ATP11A: variants seen among roughly 807,000 people sequenced by gnomAD.
ATP11A encodes the protein ATPase phospholipid transporting 11A.
In ATP11A, 81 loss-of-function variants were observed where a neutral mutation model predicts 154.4. The ratio of observed to expected loss-of-function variants is 0.52; its 90% confidence interval spans 0.44 to 0.63. ATP11A has a LOEUF of 0.63. Ranked by LOEUF, ATP11A falls within the 30% of genes least tolerant of loss-of-function variation. The pLI, the probability that ATP11A is intolerant of heterozygous loss-of-function variation, is 0.00. For missense variants in ATP11A, 1,316 were observed against 1,474.3 expected (o/e 0.89, Z 1.76); for synonymous variants, 623 against 585.9 (o/e 1.06, Z -0.91).
intron 23 of ATP11A, 47 bp from the exon 24 acceptor site, chr13:112,860,240 T>G: frequency 1.3e-6 from 2 of 1,579,350 alleles, no homozygotes; most frequent in Non-Finnish European, 8.6e-7. Flanking sequence ...CCAAAAAGTT[T>G]GTAACAATGC....
intron 26 of ATP11A, 120 bp from the exon 27 acceptor site, chr13:112,873,453 A>G (rs2080608274): frequency 1.5e-6 from 1 of 684,058 alleles, no homozygotes; most frequent in South Asian, 2.0e-5. Context: ...TTGAGTCGTC[A>G]TTGCTGGGTC....
rs993418034 is a variant in ATP11A at position 112,875,413 on chromosome 13, G to C, written c.3162-363G>C. Among the ~76,000 whole-genome samples, 1 of 152,054 alleles carries C rather than the reference G, an allele frequency of 6.6e-6. No individual in the cohort carries two copies. Among genetic ancestry groups the C allele is most frequent in the African/African-American group, 2.4e-5 (1 of 41,398 alleles). On this transcript the variant is annotated intron_variant, in intron 27 of 29. Coordinates refer to ENST00000375645, the MANE Select transcript of ATP11A (RefSeq NM_015205.3). This position sits in a 1 kb window ranked among gnomAD's most constrained non-coding sequence, Gnocchi z 4.1. ...ATTGCTTGCTCTGTACTGACGACCA[G>C]TGCTCGGGACGTCCTTCCCATCCGA...
At chr13:112,742,179 G>A (rs1891633216) in intron 1 of ATP11A, among the ~76,000 whole-genome samples, 2 of 152,256 alleles carry the variant, frequency 1.3e-5, no homozygotes, top group Non-Finnish European at 2.9e-5. Flanking sequence ...ATGGTGCCAG[G>A]TTGAAAGGAG....
At chr13:112,835,761 C>T (rs546850801) in intron 15 of ATP11A, among the ~76,000 whole-genome samples, 77 of 152,366 alleles carry the variant, frequency 5.1e-4, no homozygotes, top group African/African-American at 1.8e-3. Context: ...CCAGCCAAAA[C>T]GCTTTTTCCT....
Position 112,845,341 on chromosome 13 carries a change from A to T in ATP11A, c.1809+2962A>T, listed in dbSNP as rs1292848210. On this transcript the variant is annotated intron_variant, in intron 17 of 29. Transcript: ENST00000375645. ...CCAGTTGCCGGCACTATCGGTACTAACCAGTCCAGTTGCCAGCACTAGCGG... is the reference window on the plus strand; with the variant it reads ...CCAGTTGCCGGCACTATCGGTACTATCCAGTCCAGTTGCCAGCACTAGCGG... 2.3e-4 allele frequency among the ~76,000 whole-genome samples: 26 copies of T among 114,590 alleles called. 2 individuals carry two copies. Among genetic ancestry groups the T allele is most frequent in the African/African-American group, 1.2e-3 (25 of 21,046 alleles). The allele number at this position is 114,590 out of a possible 152,430, so 75.2% of individuals were successfully genotyped here. A position where few individuals can be genotyped will look rare whatever the true frequency, so the allele number is the denominator to read the frequency against.
In ATP11A at chr13:112,864,274, G is replaced by A. The variant is rs373782202; in HGVS notation, c.2991+1699G>A. On this transcript the variant is annotated intron_variant, in intron 25 of 29. Coordinates refer to ENST00000375645, the MANE Select transcript of ATP11A (RefSeq NM_015205.3). The stretch of plus-strand genomic sequence containing the variant: ...CCCAGCGGGGTCCATCACCACCTGC[G>A]CAGTAATTCAGTGCGGCCCATGCAG... Among the ~76,000 whole-genome samples the A allele has an allele frequency of 7.5e-3, 448 of 59,660 alleles. 2 individuals carry two copies. The highest frequency in any genetic ancestry group is 9.8e-3 in the Admixed American group (47 of 4,810). 39.1% of individuals were successfully genotyped at this position (59,660 alleles called of 152,430 possible).
intron 1 of ATP11A, among the ~76,000 whole-genome samples, chr13:112,720,329 A>G (rs1267299542): frequency 6.6e-6 from 1 of 152,238 alleles, no homozygotes; most frequent in Non-Finnish European, 1.5e-5. Context: ...GAGATTCTTC[A>G]GTGTGCGATT....
intron 1 of ATP11A, among the ~76,000 whole-genome samples, chr13:112,700,044 A>ATTTTTTT (rs5806957): frequency 7.1e-6 from 1 of 139,864 alleles, no homozygotes. Context: ...GACAAAGGTA[A>ATTTTTTT]TTTTTTTTTT....
chr13:112,832,807 A>T (rs1052422081), intron 13 of ATP11A, 53 bp from the exon 14 acceptor site: 1 of 1,580,002 alleles, frequency 6.3e-7, no homozygotes, highest in Non-Finnish European at 8.6e-7. Context: ...GTTTCCCTCT[A>T]TCTTCAGTGG....
At chr13:112,840,007 T>G (rs186447460) in intron 16 of ATP11A, among the ~76,000 whole-genome samples, 19 of 152,212 alleles carry the variant, frequency 1.2e-4, no homozygotes, top group Admixed American at 2.0e-4. Flanking sequence ...GGCCCTGCTT[T>G]TCTATGCTAA....
chr13:112,841,966 C>T (rs2079433484), intron 16 of ATP11A, among the ~76,000 whole-genome samples: 3 of 152,242 alleles, frequency 2.0e-5, no homozygotes, highest in South Asian at 2.1e-4. Flanking sequence ...CCCCAACGCC[C>T]GTCCCGAGGG....
intron 1 of ATP11A, among the ~76,000 whole-genome samples, chr13:112,719,210 C>A (rs1888865484): frequency 6.6e-6 from 1 of 152,090 alleles, no homozygotes; most frequent in Non-Finnish European, 1.5e-5. Context: ...TAGTCAGGGG[C>A]CCTCAGGATG....
In ATP11A at chr13:112,871,762, C is replaced by T; in HGVS notation, c.3019C>T (p.Leu1007=). Residue 1007 remains leucine (L), a synonymous_variant, in exon 26 of 30, where the codon CTG becomes TTG. Transcript: ENST00000375645. ...ATTTGGAAACTGGACGTTTGGAACG[C>T]TGGTATTCACCGTGATGGTGTTCAC... ...QIFGNWTFGT[L]VFTVMVFTVT... 2 of 1,614,202 alleles carry T rather than the reference C, an allele frequency of 1.2e-6. No individual in the cohort carries two copies. The highest frequency in any genetic ancestry group is 2.2e-5 in the East Asian group (1 of 44,890).
chr13:112,847,275 A>G (rs1162008818), intron 17 of ATP11A, among the ~76,000 whole-genome samples: 1 of 152,244 alleles, frequency 6.6e-6, no homozygotes. Flanking sequence ...CTTCGAGTCC[A>G]GTTAATTTCT....
Position 112,696,521 on chromosome 13 carries a change from T to G in ATP11A, c.39+6066T>G, listed in dbSNP as rs1885826053. 6.6e-6 allele frequency among the ~76,000 whole-genome samples: 1 copy of G among 152,162 alleles called. No individual in the cohort carries two copies. The highest frequency in any genetic ancestry group is 6.5e-5 in the Admixed American group (1 of 15,280). On this transcript the variant is annotated intron_variant, in intron 1 of 29. Transcript: ENST00000375645. The surrounding 1 kb of genome is among the most constrained non-coding windows in gnomAD (Gnocchi z 6.2). ...CTCTCTCCCTCTCTGAGTGACACTG[T>G]CTGCCCTGCTGCTTGCCGTCCCGCT...
intron 16 of ATP11A, 44 bp downstream of exon 16, chr13:112,836,295 G>A (rs370166748): frequency 5.4e-6 from 7 of 1,285,766 alleles, no homozygotes; most frequent in Non-Finnish European, 6.7e-6. Flanking sequence ...ATACGTGGTG[G>A]TTGTGTTTTA....
chr13:112,721,027 G>C (rs1352412525), intron 1 of ATP11A, among the ~76,000 whole-genome samples: 1 of 152,122 alleles, frequency 6.6e-6, no homozygotes, highest in East Asian at 1.9e-4. Flanking sequence ...GTGAACCACA[G>C]GCCACAGTCC....
chr13:112,823,035 G>A (rs1594798830), intron 8 of ATP11A, among the ~76,000 whole-genome samples: 1 of 152,174 alleles, frequency 6.6e-6, no homozygotes, highest in Middle Eastern at 3.2e-3. Context: ...GTCTCTCGGG[G>A]AGTGTTGCTG....
At chr13:112,698,882 T>C (rs1373334661) in intron 1 of ATP11A, among the ~76,000 whole-genome samples, 1 of 152,060 alleles carries the variant, frequency 6.6e-6, no homozygotes, top group African/African-American at 2.4e-5. Context: ...CCACCACGCC[T>C]GTCTCATTTT....
Sources: allele counts gnomAD v4.1 joint callset (sites outside exome capture counted in the v4.1 genomes callset), GRCh38; gene constraint gnomAD v4.1.1; non-coding constraint Gnocchi (gnomAD v3.1); transcripts MANE v1.5; gene names NCBI Gene and HGNC (gene_info 2026-07-23, HGNC 2026-07-21).